Variants in SETD6 observed in about 807,000 individuals in gnomAD.
SETD6 encodes the protein N-lysine methyltransferase SETD6.
In SETD6, 67 loss-of-function variants were observed where a neutral mutation model predicts 52.7. The observed-to-expected ratio is 1.27, with a 90% CI of 1.04 to 1.56. The LOEUF is 1.56. SETD6 is among the 40% of genes most tolerant of loss of function. The pLI is 0.00. For synonymous variants in SETD6, 307 were observed against 250.2 expected (o/e 1.23, Z -2.14); for missense variants, 712 against 607.5 (o/e 1.17, Z -1.81).
rs1396944471 is a variant in SETD6, at chr16:58,516,925, T to C, written c.789T>C (p.Ser263=). The C allele has an allele frequency of 1.9e-6, 3 of 1,614,192 alleles. No individual in the cohort carries two copies. The highest frequency in any genetic ancestry group is 1.7e-6 in the Non-Finnish European group (2 of 1,180,038). ...ATCACAACGCCAATCTAGAATACTC[T>C]GCGGTGAGTGGAGTTTCTCTTGGTG... The part of the protein sequence containing the change: ...LANHNANLEY[S]ANCLRMVATQ... The change falls in exon 5 of 8, where the codon TCT becomes TCC. Residue 263 remains serine, a synonymous_variant. Coordinates refer to ENST00000219315, the MANE Select transcript of SETD6 (RefSeq NM_001160305.4).
In SETD6 at chr16:58,516,058, T is replaced by C; in HGVS notation, c.295T>C (p.Ser99Pro). 1 of 1,494,912 alleles carries C rather than the reference T, an allele frequency of 6.7e-7. No individual in the cohort carries two copies. The highest frequency in any genetic ancestry group is 1.3e-5 in the South Asian group (1 of 79,242). The allele number at this position is 1,494,912 out of a possible 1,614,324, so 92.6% of individuals were successfully genotyped here. ...LFVVPRAALL[S>P]QHTCSIGGLL... is the part of the protein sequence containing the mutation. Reference sequence around the variant, plus strand: ...CGTGGTGCCGCGGGCCGCGCTCCTGTCGCAGCACACCTGCTCCATCGGCGG... The same window carrying C: ...CGTGGTGCCGCGGGCCGCGCTCCTGCCGCAGCACACCTGCTCCATCGGCGG... The change falls in exon 2 of 8, where the codon TCG (serine) becomes CCG (proline). Residue 99 changes from serine to proline, a missense_variant. Coordinates refer to ENST00000219315, the MANE Select transcript of SETD6 (RefSeq NM_001160305.4).
rs751794570 is a variant in SETD6 at position 58,516,320 on chromosome 16, C to T, written c.453C>T (p.Gly151=). 1.2e-6 allele frequency: 2 copies of T among 1,607,920 alleles called. No homozygotes were observed. The highest frequency in any genetic ancestry group is 2.2e-5 in the East Asian group (1 of 44,866). Residue 151 remains glycine, a synonymous_variant, in exon 3 of 8, where the codon GGC becomes GGT. Coordinates refer to ENST00000219315, the MANE Select transcript of SETD6 (RefSeq NM_001160305.4). ...ACTTTGCGCTCTGGCCCGAGCTGGGCCGCTTGGAGCACCCGATGTTCTGGT... is the reference window on the plus strand; with the variant it reads ...ACTTTGCGCTCTGGCCCGAGCTGGGTCGCTTGGAGCACCCGATGTTCTGGT... ...RPYFALWPEL[G]RLEHPMFWPE...
chr16:58,517,016 G>A (rs1555491465), intron 5 of SETD6, 88 bp downstream of exon 5: 4 of 1,593,710 alleles, frequency 2.5e-6, no homozygotes, highest in South Asian at 2.2e-5. Context: ...GCTACAAAAT[G>A]AGTAGGTGAA....
intron 1 of SETD6, 99 bp downstream of exon 1, chr16:58,515,663 G>T: frequency 7.1e-7 from 1 of 1,409,528 alleles, no homozygotes; most frequent in Non-Finnish European, 9.2e-7. Flanking sequence ...CCTCCCGCGG[G>T]TCCCGCGCCC....
At position 58,523,251 on chromosome 16, in the gene SETD6, A is replaced by G; in HGVS notation, c.*4222A>G. The G allele has an allele frequency of 8.7e-7, 1 of 1,145,850 alleles. No homozygotes were observed. Among genetic ancestry groups the G allele is most frequent in the Non-Finnish European group, 1.2e-6 (1 of 835,144 alleles). The allele number at this position is 1,145,850 out of a possible 1,614,324, so 71.0% of individuals were successfully genotyped here. ...CAGAGCAACACTCCGTCTCAAAAAA[A>G]CAAAAAAAAAACCAACCAAACGGAT... On this transcript the variant is annotated 3_prime_UTR_variant, in exon 8 of 8. Coordinates refer to ENST00000219315, the MANE Select transcript of SETD6 (RefSeq NM_001160305.4).
chr16:58,518,995 T>C lies in SETD6; in HGVS notation c.1388T>C (p.Met463Thr), dbSNP rs753274454. Reference protein sequence around the residue: ...QALQVRYGQKMILHQLLELTS With the variant: ...QALQVRYGQKTILHQLLELTS ...TTACAGGTTCGCTATGGTCAGAAGA[T>C]GATCTTACATCAGTTGTTGGAGCTG... The change falls in exon 8 of 8, where the codon ATG becomes ACG. Residue 463 changes from methionine (M) to threonine (T), a missense_variant. Coordinates refer to ENST00000219315, the MANE Select transcript of SETD6 (RefSeq NM_001160305.4). 3.1e-6 allele frequency: 5 copies of C among 1,613,746 alleles called. No homozygotes were observed. The Admixed American group carries it at 8.3e-5, about 27-fold the overall frequency.
rs2039179427 is a variant in SETD6, at chr16:58,516,854, T to TC, written c.723dup (p.Val242ArgfsTer36). The TC allele has an allele frequency of 1.2e-6, 2 of 1,613,786 alleles. No individual in the cohort carries two copies. Among genetic ancestry groups the TC allele is most frequent in the East Asian group, 2.2e-5 (1 of 44,870 alleles). On this transcript the variant is annotated frameshift_variant, in exon 5 of 8. Transcript: ENST00000219315. LOFTEE classifies it high-confidence loss of function. ...AGAAGAGGATGAAAAGGAGCCCAACTCCCCCGTGATGGTGCCTGCTGCAGA... is the reference window on the plus strand; with the variant it reads ...AGAAGAGGATGAAAAGGAGCCCAACTCCCCCCGTGATGGTGCCTGCTGCAGA...
At chr16:58,517,272 C>T (rs1597377884) in intron 5 of SETD6, 2 of 350,192 alleles carry the variant, frequency 5.7e-6, no homozygotes, top group East Asian at 1.4e-4. Flanking sequence ...TGATAGTCTC[C>T]GTGTTTTGGA....
chr16:58,518,707 T>C lies in SETD6; in HGVS notation c.1117-17T>C. On this transcript the variant is annotated splice_polypyrimidine_tract_variant and intron_variant, in intron 7 of 7. Coordinates refer to ENST00000219315, the MANE Select transcript of SETD6 (RefSeq NM_001160305.4). ...AAAGCAGTACATCTAATTAAAGAGCTCTGTGGTTGCTTCTAGGTACTGTGC... is the reference window on the plus strand; with the variant it reads ...AAAGCAGTACATCTAATTAAAGAGCCCTGTGGTTGCTTCTAGGTACTGTGC... The C allele has an allele frequency of 1.2e-6, 2 of 1,609,376 alleles. No individual in the cohort carries two copies. Among genetic ancestry groups the C allele is most frequent in the Non-Finnish European group, 1.7e-6 (2 of 1,178,254 alleles).
rs971230335 is a variant in SETD6 at position 58,516,859 on chromosome 16, C to T, written c.723C>T (p.Pro241=). The part of the protein sequence containing the change: ...EEEDEKEPNS[P]VMVPAADILN... ...AGGATGAAAAGGAGCCCAACTCCCCCGTGATGGTGCCTGCTGCAGACATAC... is the reference window on the plus strand; with the variant it reads ...AGGATGAAAAGGAGCCCAACTCCCCTGTGATGGTGCCTGCTGCAGACATAC... Residue 241 remains proline (P), a synonymous_variant, in exon 5 of 8, where the codon CCC becomes CCT. Coordinates refer to ENST00000219315, the MANE Select transcript of SETD6 (RefSeq NM_001160305.4). The T allele has an allele frequency of 1.2e-6, 2 of 1,614,054 alleles. No homozygotes were observed. Among genetic ancestry groups the T allele is most frequent in the East Asian group, 2.2e-5 (1 of 44,878 alleles).
chr16:58,516,003 G>A lies in SETD6; in HGVS notation c.240G>A (p.Arg80=), dbSNP rs1301206607. The A allele has an allele frequency of 1.3e-6, 2 of 1,543,490 alleles. No individual in the cohort carries two copies. Among genetic ancestry groups the A allele is most frequent in the Non-Finnish European group, 1.7e-6 (2 of 1,155,806 alleles). The change falls in exon 2 of 8, where the codon CGG becomes CGA. Residue 80 remains arginine, a synonymous_variant. Transcript: ENST00000219315. ...GTVAGYGMVA[R]ESVQAGELLF... is the part of the protein sequence containing the mutation. ...TGGCCGGCTACGGCATGGTGGCCCG[G>A]GAGAGCGTGCAGGCCGGAGAGCTGT...
intron 2 of SETD6, 51 bp downstream of exon 2, chr16:58,516,148 G>GCGGAGCGGTT: frequency 8.5e-7 from 1 of 1,183,316 alleles, no homozygotes; most frequent in Non-Finnish European, 1.1e-6. Context: ...GCGGGGCGGG[G>GCGGAGCGGTT]CGGGCCCGGC....
intron 4 of SETD6, 30 bp downstream of exon 4, chr16:58,516,702 C>T (rs751958047): frequency 2.5e-6 from 4 of 1,609,886 alleles, no homozygotes; most frequent in Non-Finnish European, 3.4e-6. Flanking sequence ...GAGGACGGAA[C>T]CCTTTTCTTT....
chr16:58,518,778 G>GGAGAT lies in SETD6; in HGVS notation c.1174_1178dup (p.Asp393GlufsTer10). ...AGAGCTTAAAGACCAGGATGGAGGG[G>GGAGAT]GAGATGATAAAAGGGAAGAGGGCAG... On this transcript the variant is annotated frameshift_variant, in exon 8 of 8. Transcript: ENST00000219315. LOFTEE classifies it high-confidence loss of function. The GGAGAT allele has an allele frequency of 6.2e-7, 1 of 1,614,094 alleles. No homozygotes were observed. Among genetic ancestry groups the GGAGAT allele is most frequent in the Non-Finnish European group, 8.5e-7 (1 of 1,180,020 alleles).
rs764971166 is a variant in SETD6 at position 58,515,880 on chromosome 16, G to C, written c.117G>C (p.Lys39Asn). 1 of 1,520,730 alleles carries C rather than the reference G, an allele frequency of 6.6e-7. No homozygotes were observed. The highest frequency in any genetic ancestry group is 8.7e-7 in the Non-Finnish European group (1 of 1,143,170). The allele number at this position is 1,520,730 out of a possible 1,614,324, so 94.2% of individuals were successfully genotyped here. A position where few individuals can be genotyped will look rare whatever the true frequency, so the allele number is the denominator to read the frequency against. Reference sequence around the variant, plus strand: ...GGGTGGGGCTGGAGCTGAGTCCCAAGGTGAGCGAGCGAGCCGGCGGGCGGA... The same window carrying C: ...GGGTGGGGCTGGAGCTGAGTCCCAACGTGAGCGAGCGAGCCGGCGGGCGGA... ...CRRVGLELSP[K>N]VSERAGGRRT... The change falls in exon 2 of 8, where the codon AAG becomes AAC. Residue 39 changes from lysine (K) to asparagine (N), a missense_variant. Coordinates refer to ENST00000219315, the MANE Select transcript of SETD6 (RefSeq NM_001160305.4).
At chr16:58,517,715 AT>A in intron 5 of SETD6, 2 of 336,288 alleles carry the variant, frequency 5.9e-6, no homozygotes, top group Non-Finnish European at 1.1e-5. Context: ...ATCTCAGGTG[AT>A]CTGCCCACTT....
Position 58,522,511 on chromosome 16 carries a change from A to T in SETD6, c.*3482A>T, listed in dbSNP as rs74769294. On this transcript the variant is annotated 3_prime_UTR_variant, in exon 8 of 8. Transcript: ENST00000219315. ...CCATATTTAGCACCATAGGTGACTAATTAGGCAAATGAGCAAGTTTTAAGA... is the reference window on the plus strand; with the variant it reads ...CCATATTTAGCACCATAGGTGACTATTTAGGCAAATGAGCAAGTTTTAAGA... 2.4e-5 allele frequency among the ~76,000 whole-genome samples: 3 copies of T among 123,598 alleles called. No homozygotes were observed. The highest frequency in any genetic ancestry group is 2.8e-4 in the South Asian group (1 of 3,608). 81.1% of individuals were successfully genotyped at this position (123,598 alleles called of 152,430 possible). A position where few individuals can be genotyped will look rare whatever the true frequency, so the allele number is the denominator to read the frequency against.
At position 58,518,974 on chromosome 16, in the gene SETD6, A is replaced by G. The variant is rs2151881835; in HGVS notation, c.1367A>G (p.Gln456Arg). The part of the protein sequence containing the change: ...KLSWREQQAL[Q>R]VRYGQKMILH... ...AGCTGGAGGGAACAGCAAGCCTTACAGGTTCGCTATGGTCAGAAGATGATC... is the reference window on the plus strand; with the variant it reads ...AGCTGGAGGGAACAGCAAGCCTTACGGGTTCGCTATGGTCAGAAGATGATC... Residue 456 changes from glutamine (Q) to arginine (R), a missense_variant, in exon 8 of 8, where the codon CAG becomes CGG. Gln to Arg is a conservative substitution (Grantham distance 43, BLOSUM62 1). Transcript: ENST00000219315. The G allele has an allele frequency of 6.2e-7, 1 of 1,614,196 alleles. No individual in the cohort carries two copies.
Position 58,518,088 on chromosome 16 carries a change from A to G in SETD6, c.830A>G (p.Lys277Arg), listed in dbSNP as rs757863905. 8.7e-6 allele frequency: 14 copies of G among 1,614,164 alleles called. No individual in the cohort carries two copies. In the Admixed American group the frequency reaches 2.3e-4, roughly 27 times the overall value. The change falls in exon 6 of 8, where the codon AAA (lysine) becomes AGA (arginine). Residue 277 changes from lysine (K) to arginine (R), a missense_variant. Coordinates refer to ENST00000219315, the MANE Select transcript of SETD6 (RefSeq NM_001160305.4). ...LRMVATQPIP[K>R]GHEIFNTYGQ... ...ATGGTAGCCACTCAGCCCATTCCTA[A>G]AGGCCATGAGATTTTCAACACTTAT... is the stretch of plus-strand genomic sequence containing the variant.
Sources: gnomAD v4.1 joint callset for allele counts (sites outside exome capture counted in the v4.1 genomes callset) on GRCh38, gnomAD v4.1.1 for gene constraint, MANE v1.5 for transcripts, NCBI Gene and HGNC (gene_info 2026-07-23, HGNC 2026-07-21) for gene names.